AKAP13: variants seen among roughly 807,000 people sequenced by gnomAD.
AKAP13 encodes A-kinase anchor protein 13.
A neutral mutation model predicts 264.5 loss-of-function variants in AKAP13; 80 were observed. The ratio of observed to expected loss-of-function variants is 0.30; its 90% CI spans 0.25 to 0.36. The LOEUF is 0.36. Among genes scored for constraint, AKAP13 ranks in the 10% least tolerant of loss-of-function variants. The pLI is 1.00. For synonymous variants in AKAP13, 1,380 were observed against 1,250.2 expected, an observed-to-expected ratio of 1.10 and a Z score of -2.19; for missense variants, 3,712 against 3,435.2, an observed-to-expected ratio of 1.08 and a Z score of -2.01.
intron 1 of AKAP13, among the ~76,000 whole-genome samples, chr15:85,469,817 A>G (rs1403658398): frequency 6.6e-6 from 1 of 152,262 alleles, no homozygotes; most frequent in Non-Finnish European, 1.5e-5. Flanking sequence ...TCTACATGCC[A>G]TGTCGATACA....
chr15:85,468,155 A>G (rs368184728), intron 1 of AKAP13, among the ~76,000 whole-genome samples: 1 of 152,206 alleles, frequency 6.6e-6, no homozygotes, highest in Non-Finnish European at 1.5e-5. Flanking sequence ...GAGGTATTCT[A>G]TGAAGACTTA....
chr15:85,687,583 A>T (rs866373199), intron 16 of AKAP13, among the ~76,000 whole-genome samples: 4 of 152,196 alleles, frequency 2.6e-5, no homozygotes, highest in African/African-American at 7.2e-5. Flanking sequence ...AACTCAAAAA[A>T]TTACAAATTT....
chr15:85,682,356 G>C, intron 15 of AKAP13, 144 bp downstream of exon 15: 2 of 838,478 alleles, frequency 2.4e-6, no homozygotes, highest in Non-Finnish European at 3.7e-6. Context: ...GATTAAAAGT[G>C]GTTTTGTCAT....
intron 2 of AKAP13, among the ~76,000 whole-genome samples, chr15:85,486,705 G>A (rs1485235014): frequency 6.9e-6 from 1 of 144,896 alleles, no homozygotes; most frequent in Non-Finnish European, 1.5e-5. Context: ...CATTTTGATG[G>A]TATTGTTAAT....
In AKAP13 at chr15:85,521,557, T is replaced by C. The variant is rs1462479192; in HGVS notation, c.163T>C (p.Leu55=). ...TACTCGGAAGGTCAGTTCTGATACA[T>C]TGGAGACCATTGCTCCTGGTAAGTA... is the stretch of plus-strand genomic sequence containing the variant. ...TSTRKVSSDT[L]ETIAPGHDCC... The change falls in exon 3 of 37, where the codon TTG becomes CTG. Residue 55 remains leucine, a synonymous_variant. Transcript: ENST00000394518. 5 of 1,614,084 alleles carry C rather than the reference T, an allele frequency of 3.1e-6. No homozygotes were observed. In the Admixed American group the frequency reaches 6.7e-5, roughly 22 times the overall value.
At chr15:85,471,577 C>A (rs758093935) in intron 1 of AKAP13, among the ~76,000 whole-genome samples, 80 of 152,190 alleles carry the variant, frequency 5.3e-4, no homozygotes, top group Non-Finnish European at 9.8e-4. Flanking sequence ...ATTTTAAGTG[C>A]TTAGGTCAGT....
chr15:85,419,935 G>GTTTTTTTT (rs11452064), intron 1 of AKAP13, among the ~76,000 whole-genome samples: 20 of 77,984 alleles, frequency 2.6e-4, no homozygotes, highest in Admixed American at 3.9e-4. Flanking sequence ...TCTGACTCTT[G>GTTTTTTTT]TTTTTTTTTT....
rs1289418900 is a variant in AKAP13 at position 85,747,456 on chromosome 15, T to C, written c.*2779T>C. On this transcript the variant is annotated 3_prime_UTR_variant, in exon 37 of 37. Transcript: ENST00000394518. ...CCACGCCGGGACACCATGTTCTCCA[T>C]CAAGCTAAAGAAATCACGTGCCTGA... is the stretch of plus-strand genomic sequence containing the variant. 1.3e-5 allele frequency: 2 copies of C among 152,628 alleles called. No homozygotes were observed. Among genetic ancestry groups the C allele is most frequent in the African/African-American group, 2.4e-5 (1 of 41,432 alleles). The allele number at this position is 152,628 out of a possible 1,614,324, so 9.5% of individuals were successfully genotyped here. A position where few individuals can be genotyped will look rare whatever the true frequency, so the allele number is the denominator to read the frequency against.
At chr15:85,639,558 A>G (rs1162204253) in intron 9 of AKAP13, 109 bp downstream of exon 9, 10 of 819,602 alleles carry the variant, frequency 1.2e-5, no homozygotes, top group Middle Eastern at 2.3e-4. Context: ...AATCAGAGGA[A>G]GGGATGTATG....
intron 1 of AKAP13, among the ~76,000 whole-genome samples, chr15:85,442,762 C>G (rs1336169618): frequency 2.0e-5 from 3 of 151,422 alleles, no homozygotes; most frequent in African/African-American, 7.3e-5. Flanking sequence ...GAAATAGGGA[C>G]TCTGGACCAC....
intron 9 of AKAP13, among the ~76,000 whole-genome samples, chr15:85,640,453 C>A (rs960478817): frequency 6.6e-6 from 1 of 152,182 alleles, no homozygotes; most frequent in Non-Finnish European, 1.5e-5. Flanking sequence ...AATCCTCTAA[C>A]TCCAGAGCAG....
At chr15:85,497,051 C>G (rs1052247665) in intron 2 of AKAP13, among the ~76,000 whole-genome samples, 1 of 152,104 alleles carries the variant, frequency 6.6e-6, no homozygotes, top group African/African-American at 2.4e-5. Flanking sequence ...TTTTCAGAGC[C>G]TTTTTACAGG....
At chr15:85,725,949 T>A (rs1247514088) in intron 26 of AKAP13, among the ~76,000 whole-genome samples, 1 of 152,220 alleles carries the variant, frequency 6.6e-6, no homozygotes, top group Non-Finnish European at 1.5e-5. Context: ...CTATACTTCA[T>A]CTTTGGGCAG....
At chr15:85,528,775 GT>G (rs1481778133) in intron 3 of AKAP13, among the ~76,000 whole-genome samples, 5 of 152,240 alleles carry the variant, frequency 3.3e-5, no homozygotes, top group African/African-American at 1.2e-4. Flanking sequence ...AGTGTGAGAA[GT>G]TCAGAAATTA....
At chr15:85,592,666 A>C (rs550184853) in intron 8 of AKAP13, among the ~76,000 whole-genome samples, 1 of 152,312 alleles carries the variant, frequency 6.6e-6, no homozygotes, top group South Asian at 2.1e-4. Context: ...TCAACCACAC[A>C]AAATTTAATT....
intron 1 of AKAP13, among the ~76,000 whole-genome samples, chr15:85,462,670 A>G (rs1019272196): frequency 1.3e-5 from 2 of 152,204 alleles, no homozygotes; most frequent in East Asian, 3.8e-4. Context: ...AGGAAAATCT[A>G]CTTAGAATCA....
At chr15:85,471,900 A>G (rs933011018) in intron 1 of AKAP13, among the ~76,000 whole-genome samples, 1 of 152,198 alleles carries the variant, frequency 6.6e-6, no homozygotes, top group Non-Finnish European at 1.5e-5. Flanking sequence ...TGGTGTTTTT[A>G]TTAGAAATGC....
rs900697908 is a variant in AKAP13 at position 85,579,974 on chromosome 15, G to C, written c.1906G>C (p.Glu636Gln). The change falls in exon 7 of 37, where the codon GAA becomes CAA. Residue 636 changes from glutamate (E) to glutamine (Q), a missense_variant. By Grantham distance (29) the Glu-to-Gln change is conservative. Coordinates refer to ENST00000394518, the MANE Select transcript of AKAP13 (RefSeq NM_007200.5). ...AGATGTAATGCCACACCAGAACTCA[G>C]AAACAAATTCATCTCATGCTCAAAG... ...EEDVMPHQNS[E>Q]TNSSHAQSQK... The C allele has an allele frequency of 2.5e-6, 4 of 1,614,088 alleles. No individual in the cohort carries two copies. The highest frequency in any genetic ancestry group is 2.5e-6 in the Non-Finnish European group (3 of 1,180,044).
Position 85,580,744 on chromosome 15 carries a change from T to G in AKAP13, c.2676T>G (p.Ser892=). 1 of 1,614,146 alleles carries G rather than the reference T, an allele frequency of 6.2e-7. No homozygotes were observed. The change falls in exon 7 of 37, where the codon TCT becomes TCG. Residue 892 remains serine, a synonymous_variant. Coordinates refer to ENST00000394518, the MANE Select transcript of AKAP13 (RefSeq NM_007200.5). ...TGAATATCAAGGGGAACACTGACTCTTCCCTGCAAAGTGTGGGTAAGGCCA... is the reference window on the plus strand; with the variant it reads ...TGAATATCAAGGGGAACACTGACTCGTCCCTGCAAAGTGTGGGTAAGGCCA... ...EALNIKGNTD[S]SLQSVGKATL...
Sources: gnomAD v4.1 joint callset for allele counts (sites outside exome capture counted in the v4.1 genomes callset) on GRCh38, gnomAD v4.1.1 for gene constraint, MANE v1.5 for transcripts, NCBI Gene and HGNC (gene_info 2026-07-23, HGNC 2026-07-21) for gene names.